Variants in UBXN11 observed in about 807,000 individuals in gnomAD.
The protein encoded by UBXN11 is UBX domain protein 11.
A neutral mutation model predicts 62.8 loss-of-function variants in UBXN11; 47 were observed. The ratio of observed to expected loss-of-function variants is 0.75; its 90% confidence interval spans 0.59 to 0.95. The LOEUF is 0.95. UBXN11 is among the 40% of genes least tolerant of loss of function. The pLI, the probability that UBXN11 is intolerant of heterozygous loss-of-function variation, is 0.00. For synonymous variants in UBXN11, 294 were observed against 267.0 expected (o/e 1.10, Z -0.99); for missense variants, 638 against 661.7 (o/e 0.96, Z 0.39).
At chr1:26,305,697 C>A (rs1031817943) in intron 1 of UBXN11, among the ~76,000 whole-genome samples, 2 of 151,998 alleles carry the variant, frequency 1.3e-5, no homozygotes, top group Non-Finnish European at 2.9e-5. Flanking sequence ...AAACAAAACT[C>A]CTAAACCAAA....
chr1:26,298,125 G>T, intron 4 of UBXN11, 63 bp from the exon 5 acceptor site: 2 of 1,539,544 alleles, frequency 1.3e-6, no homozygotes, highest in Non-Finnish European at 8.8e-7. Flanking sequence ...GTGGGGGGGA[G>T]GGAGGAGGAT....
intron 12 of UBXN11, among the ~76,000 whole-genome samples, chr1:26,283,669 G>A (rs373329994): frequency 3.9e-5 from 6 of 152,156 alleles, no homozygotes; most frequent in East Asian, 1.9e-4. Context: ...AAGTTCTGGG[G>A]GTGGACAGAC....
chr1:26,301,913 G>A (rs531963104), intron 2 of UBXN11, among the ~76,000 whole-genome samples, 191 bp from the exon 3 acceptor site: 1 of 152,274 alleles, frequency 6.6e-6, no homozygotes, highest in South Asian at 2.1e-4. Flanking sequence ...GCTTCGAGGT[G>A]TCTGACTTCA....
intron 12 of UBXN11, 140 bp downstream of exon 12, chr1:26,284,002 G>A: frequency 3.4e-6 from 3 of 886,124 alleles, no homozygotes; most frequent in Non-Finnish European, 5.1e-6. Context: ...GTTTCCAGGA[G>A]ACAGTGGAGC....
intron 1 of UBXN11, among the ~76,000 whole-genome samples, chr1:26,314,079 C>A (rs1037993120): frequency 6.6e-6 from 1 of 152,112 alleles, no homozygotes. Flanking sequence ...CGCGCCCGGC[C>A]GGTTCTTTAC....
intron 9 of UBXN11, 27 bp downstream of exon 9, chr1:26,285,796 C>T (rs2073117575): frequency 3.2e-6 from 5 of 1,571,260 alleles, no homozygotes; most frequent in Admixed American, 1.7e-5. Flanking sequence ...GGCACTAGAG[C>T]ACCACCCCCC....
intron 10 of UBXN11, chr1:26,284,773 T>G: frequency 8.4e-7 from 1 of 1,197,600 alleles, no homozygotes; most frequent in Non-Finnish European, 1.0e-6. Context: ...TGTGAGGGGG[T>G]CAGGAGAGGA....
upstream of UBXN11, among the ~76,000 whole-genome samples, chr1:26,310,443 C>T (rs2124680243): frequency 6.6e-6 from 1 of 151,512 alleles, no homozygotes; most frequent in East Asian, 1.9e-4. Flanking sequence ...GAGGCTAAAG[C>T]AGGAGAATCA....
rs1468475865 is a variant in UBXN11, at chr1:26,312,823, C to CA, written c.-149+5223dup. On this transcript the variant is annotated intron_variant, in intron 1 of 14. Transcript: ENST00000374217. ...AGAAACCCTGTCTCTACTAAAAATA[C>CA]AAAAAATTAGCTGGGCGTGTTGGCA... 4.6e-5 allele frequency among the ~76,000 whole-genome samples: 7 copies of CA among 150,828 alleles called. No homozygotes were observed. The East Asian group carries it at 1.2e-3, about 26-fold the overall frequency.
intron 3 of UBXN11, 108 bp downstream of exon 3, chr1:26,301,586 G>T: frequency 6.7e-7 from 1 of 1,487,576 alleles, no homozygotes; most frequent in Non-Finnish European, 9.2e-7. Flanking sequence ...GGAGGCCGCT[G>T]CTCCAGCTGA....
At chr1:26,298,152 GA>G (rs911096067) in intron 4 of UBXN11, 90 bp from the exon 5 acceptor site, 1 of 1,357,628 alleles carries the variant, frequency 7.4e-7, no homozygotes. Context: ...CCCAGGAATG[GA>G]AATGAAGGTA....
intron 8 of UBXN11, among the ~76,000 whole-genome samples, chr1:26,291,920 G>C (rs1162433186): frequency 6.6e-6 from 1 of 152,202 alleles, no homozygotes; most frequent in East Asian, 1.9e-4. Flanking sequence ...TGTGTCCCAA[G>C]TGTACTCAGC....
intron 1 of UBXN11, among the ~76,000 whole-genome samples, chr1:26,305,522 TA>T (rs1370236672): frequency 1.3e-5 from 2 of 152,090 alleles, no homozygotes; most frequent in African/African-American, 4.8e-5. Flanking sequence ...AAGGCAGCCT[TA>T]GGCAACCACA....
chr1:26,285,768 C>T, intron 9 of UBXN11, 55 bp downstream of exon 9: 2 of 1,542,436 alleles, frequency 1.3e-6, no homozygotes, highest in East Asian at 4.6e-5. Flanking sequence ...TCATCCCCAA[C>T]TAACAGTGGG....
At position 26,284,243 on chromosome 1, in the gene UBXN11, A is replaced by C; in HGVS notation, c.976T>G (p.Ser326Ala). 1 of 1,611,798 alleles carries C rather than the reference A, an allele frequency of 6.2e-7. No individual in the cohort carries two copies. The highest frequency in any genetic ancestry group is 8.5e-7 in the Non-Finnish European group (1 of 1,178,838). Residue 326 changes from serine (S) to alanine (A), a missense_variant and splice_region_variant, in exon 12 of 15, where the codon TCC becomes GCC. Ser to Ala is a moderately conservative substitution (Grantham distance 99). Transcript: ENST00000374222. Reference sequence around the variant, plus strand: ...AGAAATTTCTCAGCAGTCATCCTGGAGCCTACAGGCAGAGTTGGGAACCGG... The same window carrying C: ...AGAAATTTCTCAGCAGTCATCCTGGCGCCTACAGGCAGAGTTGGGAACCGG... ...ALDRVEEHPG[S>A]RMTAEKFLNR...
chr1:26,282,382 T>A lies in UBXN11; in HGVS notation c.1480A>T (p.Ser494Cys), dbSNP rs1134583. ...CTGGGGCCGGGACCGGGACCGGGAC[T>A]GGGGCCGGGACCGGGACCGGGACAG... ...GPCPGPGPGP[S>C]PGPGPGPSPG... is the part of the protein sequence containing the mutation. The change falls in exon 15 of 15, where the codon AGT (serine) becomes TGT (cysteine). Residue 494 changes from serine (S) to cysteine (C), a missense_variant. Transcript: ENST00000374222. 8.8e-4 allele frequency: 294 copies of A among 333,644 alleles called. 6 individuals carry two copies. The highest frequency in any genetic ancestry group is 6.1e-3 in the African/African-American group (62 of 10,186). 20.7% of individuals were successfully genotyped at this position (333,644 alleles called of 1,614,324 possible). A position where few individuals can be genotyped will look rare whatever the true frequency, so the allele number is the denominator to read the frequency against.
intron 1 of UBXN11, among the ~76,000 whole-genome samples, chr1:26,304,268 C>T (rs2073608459): frequency 6.6e-6 from 1 of 152,196 alleles, no homozygotes; most frequent in African/African-American, 2.4e-5. Flanking sequence ...TCTTCACCCC[C>T]AGCATCCAGC....
intron 3 of UBXN11, among the ~76,000 whole-genome samples, chr1:26,301,336 T>C (rs1272036728): frequency 6.6e-6 from 1 of 151,650 alleles, no homozygotes; most frequent in African/African-American, 2.4e-5. Context: ...GGAGAAAGGC[T>C]GTCACACTGG....
chr1:26,297,609 G>A (rs1313714199), intron 5 of UBXN11, 128 bp from the exon 6 acceptor site: 1 of 1,167,678 alleles, frequency 8.6e-7, no homozygotes, highest in South Asian at 1.6e-5. Flanking sequence ...CTTTGGCACA[G>A]CCACTTCTCC....
Sources: allele counts gnomAD v4.1 joint callset (sites outside exome capture counted in the v4.1 genomes callset), GRCh38; gene constraint gnomAD v4.1.1; transcripts MANE v1.5; gene names NCBI Gene and HGNC (gene_info 2026-07-23, HGNC 2026-07-21).